Variants in BARD1 observed in about 807,000 individuals in gnomAD.
BARD1 encodes BRCA1 associated RING domain 1, also known as BRCA1-associated RING domain protein 1.
BARD1 carries 73 observed loss-of-function variants against 77.0 expected under a neutral mutation model. The ratio of observed to expected loss-of-function variants is 0.95; its 90% CI spans 0.79 to 1.15. BARD1 has a LOEUF of 1.15. Ranked by LOEUF, BARD1 falls within the 50% of genes most tolerant of loss-of-function variation. The pLI is 0.00. For missense variants in BARD1, 993 were observed against 938.8 expected, an observed-to-expected ratio of 1.06 and a Z score of -0.75; for synonymous variants, 384 against 338.0, an observed-to-expected ratio of 1.14 and a Z score of -1.49.
chr2:214,781,211 C>T lies in BARD1; in HGVS notation c.663G>A (p.Glu221=), dbSNP rs1449726747. Residue 221 remains glutamate (E), a synonymous_variant, in exon 4 of 11, where the codon GAG becomes GAA. Coordinates refer to ENST00000260947, the MANE Select transcript of BARD1 (RefSeq NM_000465.4). The stretch of plus-strand genomic sequence containing the variant: ...CAAATTCACCATCTTCTTTTTCTGC[C>T]TCTAAATTCCATTTTTGGTTGATTT... ...LAEINQKWNL[E]AEKEDGEFDS... The T allele has an allele frequency of 6.3e-7, 1 of 1,592,462 alleles. No homozygotes were observed. The highest frequency in any genetic ancestry group is 8.5e-7 in the Non-Finnish European group (1 of 1,174,740).
intron 6 of BARD1, among the ~76,000 whole-genome samples, chr2:214,753,020 T>A (rs994629450): frequency 9.9e-5 from 15 of 152,174 alleles, no homozygotes; most frequent in African/African-American, 3.6e-4. Context: ...GTTAACAGGG[T>A]ACTTTAAAAA....
Position 214,797,061 on chromosome 2 carries a change from C to A in BARD1, c.215G>T (p.Ser72Ile), listed in dbSNP as rs769820924. ...TATACATCAAACCGTAATTACTTAC[C>A]TACAGAAGATGTGCTCACATCCTCC... ...CLGGCEHIFC[S>I]NCVSDCIGTG... The change falls in exon 2 of 11, where the codon AGT becomes ATT. Residue 72 changes from serine to isoleucine, a missense_variant and splice_region_variant. By Grantham distance (142) the Ser-to-Ile change is moderately radical (BLOSUM62 -2). Coordinates refer to ENST00000260947, the MANE Select transcript of BARD1 (RefSeq NM_000465.4). 6.2e-7 allele frequency: 1 copy of A among 1,609,588 alleles called. No homozygotes were observed. The highest frequency in any genetic ancestry group is 8.5e-7 in the Non-Finnish European group (1 of 1,176,050).
intron 1 of BARD1, among the ~76,000 whole-genome samples, chr2:214,804,482 A>C (rs947565604): frequency 1.3e-5 from 2 of 152,232 alleles, no homozygotes; most frequent in Non-Finnish European, 2.9e-5. Context: ...TCTCACAAAT[A>C]AATTCTAACT....
intron 2 of BARD1, chr2:214,796,729 C>G (rs1161086070): frequency 3.3e-6 from 1 of 306,278 alleles, no homozygotes; most frequent in Non-Finnish European, 6.2e-6. Context: ...CCTATACTTT[C>G]ACAATTTTGA....
At chr2:214,770,302 T>C (rs1175991036) in intron 4 of BARD1, among the ~76,000 whole-genome samples, 1 of 152,242 alleles carries the variant, frequency 6.6e-6, no homozygotes, top group East Asian at 1.9e-4. Flanking sequence ...TTCTGTAATG[T>C]AGCCTTACAA....
intron 4 of BARD1, among the ~76,000 whole-genome samples, chr2:214,776,686 C>T (rs918766961): frequency 1.3e-5 from 2 of 152,152 alleles, no homozygotes; most frequent in African/African-American, 4.8e-5. Flanking sequence ...TTACGACCTC[C>T]AAAAATGTCC....
chr2:214,792,938 G>A (rs1424602850), intron 2 of BARD1, among the ~76,000 whole-genome samples: 1 of 152,088 alleles, frequency 6.6e-6, no homozygotes, highest in Non-Finnish European at 1.5e-5. Flanking sequence ...TCAATTACCT[G>A]GGTTATCTAA....
At position 214,743,156 on chromosome 2, in the gene BARD1, G is replaced by A. The variant is rs534093800; in HGVS notation, c.1903+1911C>T. The stretch of plus-strand genomic sequence containing the variant: ...TTAGCTGGATCAGACTGCATTGGTT[G>A]AGACAAGCATCACAAAAAAAGAAGT... On this transcript the variant is annotated intron_variant, in intron 9 of 10. Coordinates refer to ENST00000260947, the MANE Select transcript of BARD1 (RefSeq NM_000465.4). Among the ~76,000 whole-genome samples the A allele has an allele frequency of 3.3e-5, 5 of 152,282 alleles. No individual in the cohort carries two copies. The South Asian group carries it at 1.0e-3, about 32-fold the overall frequency.
chr2:214,795,491 G>A (rs1695718581), intron 2 of BARD1, among the ~76,000 whole-genome samples: 1 of 151,960 alleles, frequency 6.6e-6, no homozygotes, highest in Non-Finnish European at 1.5e-5. Flanking sequence ...GTTTAAGCAG[G>A]GTAATGATAT....
chr2:214,767,204 T>G (rs867228152), intron 6 of BARD1, among the ~76,000 whole-genome samples: 17 of 151,992 alleles, frequency 1.1e-4, no homozygotes, highest in Admixed American at 2.6e-4. Flanking sequence ...ATGTAACACA[T>G]TTTTTTTATC....
In BARD1 at chr2:214,780,818, C is replaced by T. The variant is rs768469265; in HGVS notation, c.1056G>A (p.Val352=). The change falls in exon 4 of 11, where the codon GTG becomes GTA. Residue 352 remains valine, a synonymous_variant. Transcript: ENST00000260947. ...CAGGCAATGGTATATTTTCTGAGGG[C>T]ACCGTTTGCTTAACAAAATCTCCAC... is the stretch of plus-strand genomic sequence containing the variant. The part of the protein sequence containing the change: ...STSGDFVKQT[V]PSENIPLPEC... 4 of 1,614,096 alleles carry T rather than the reference C, an allele frequency of 2.5e-6. No homozygotes were observed. Among genetic ancestry groups the T allele is most frequent in the Non-Finnish European group, 3.4e-6 (4 of 1,179,994 alleles).
chr2:214,751,121 A>G (rs12471427), intron 7 of BARD1, among the ~76,000 whole-genome samples: 585 of 14,156 alleles, frequency 0.041, 4 homozygotes, highest in African/African-American at 0.08. Flanking sequence ...GTGTGTGTAT[A>G]TATATATATA....
chr2:214,793,098 C>T (rs943000498), intron 2 of BARD1, among the ~76,000 whole-genome samples: 8 of 152,118 alleles, frequency 5.3e-5, no homozygotes, highest in Admixed American at 3.9e-4. Flanking sequence ...AATAAGAATT[C>T]TATAAATCTC....
At chr2:214,788,853 C>T (rs1201587459) in intron 3 of BARD1, among the ~76,000 whole-genome samples, 2 of 152,030 alleles carry the variant, frequency 1.3e-5, no homozygotes, top group African/African-American at 4.8e-5. Context: ...TCTAGAAGTA[C>T]TTACTAGATA....
At chr2:214,768,986 T>C (rs1356147429) in intron 5 of BARD1, among the ~76,000 whole-genome samples, 1 of 152,216 alleles carries the variant, frequency 6.6e-6, no homozygotes, top group East Asian at 1.9e-4. Flanking sequence ...TTAGCTAAAT[T>C]CTGCAGTACA....
At chr2:214,755,122 A>C (rs915058475) in intron 6 of BARD1, among the ~76,000 whole-genome samples, 1 of 152,190 alleles carries the variant, frequency 6.6e-6, no homozygotes, top group African/African-American at 2.4e-5. Context: ...TTTTATTCCC[A>C]TTGTAAAACT....
At chr2:214,766,562 C>T (rs1233549071) in intron 6 of BARD1, among the ~76,000 whole-genome samples, 1 of 152,046 alleles carries the variant, frequency 6.6e-6, no homozygotes, top group African/African-American at 2.4e-5. Flanking sequence ...AAATCTCCCC[C>T]AAATATGTCA....
chr2:214,775,349 G>A (rs941128332), intron 4 of BARD1, among the ~76,000 whole-genome samples: 3 of 152,084 alleles, frequency 2.0e-5, no homozygotes, highest in African/African-American at 7.2e-5. Flanking sequence ...TTGTGTCCCA[G>A]GAAACAGGGA....
intron 1 of BARD1, among the ~76,000 whole-genome samples, chr2:214,804,215 A>G (rs1696161537): frequency 6.6e-6 from 1 of 152,188 alleles, no homozygotes; most frequent in Non-Finnish European, 1.5e-5. Context: ...TTTAACAAGT[A>G]AAGTATATGG....
Sources: allele counts gnomAD v4.1 joint callset (sites outside exome capture counted in the v4.1 genomes callset), GRCh38; gene constraint gnomAD v4.1.1; transcripts MANE v1.5; gene names NCBI Gene and HGNC (gene_info 2026-07-23, HGNC 2026-07-21).